The following PRKCB variants were observed in gnomAD, a reference collection of about 807,000 sequenced individuals.
The protein encoded by PRKCB is protein kinase C beta.
Under a neutral mutation model 81.5 loss-of-function variants are expected in PRKCB, and 13 were observed. The ratio of observed to expected loss-of-function variants is 0.16; its 90% CI spans 0.10 to 0.25. PRKCB has a LOEUF of 0.25. Among genes scored for constraint, PRKCB ranks in the 10% least tolerant of loss-of-function variants. PRKCB has a pLI of 1.00. For synonymous variants in PRKCB, 335 were observed against 321.4 expected (o/e 1.04, Z -0.45); for missense variants, 509 against 875.7 (o/e 0.58, Z 5.29).
chr16:24,136,097 T>A (rs380932), intron 9 of PRKCB, among the ~76,000 whole-genome samples: 1 of 136,778 alleles, frequency 7.3e-6, no homozygotes. Context: ...TTGCAGCGTG[T>A]TTTTTTTTTT....
chr16:24,153,521 C>A (rs1260630723), intron 9 of PRKCB, among the ~76,000 whole-genome samples: 1 of 152,186 alleles, frequency 6.6e-6, no homozygotes, highest in African/African-American at 2.4e-5. Flanking sequence ...AGTCCCCAAA[C>A]CAGGTTAGGA....
chr16:24,039,231 T>C lies in PRKCB; in HGVS notation c.529+3684T>C, dbSNP rs866082568. 3.9e-5 allele frequency among the ~76,000 whole-genome samples: 6 copies of C among 152,120 alleles called. No homozygotes were observed. In the South Asian group the frequency reaches 8.3e-4, roughly 21 times the overall value. On this transcript the variant is annotated intron_variant, in intron 5 of 16. Coordinates refer to ENST00000643927, the MANE Select transcript of PRKCB (RefSeq NM_002738.7). ...AAATAAATGTCTTTTTTTCTTTTTT[T>C]CTTTTTATTTTGTTTTAGATGGAGT...
chr16:23,921,139 C>T (rs1372540573), intron 2 of PRKCB, among the ~76,000 whole-genome samples: 3 of 152,164 alleles, frequency 2.0e-5, no homozygotes, highest in Non-Finnish European at 2.9e-5. Context: ...CCTTGACATG[C>T]AGGGATTATT....
In PRKCB at chr16:24,217,431, A is replaced by G. The variant is rs903588470; in HGVS notation, c.*2615A>G. 1.2e-5 allele frequency: 12 copies of G among 985,326 alleles called. No homozygotes were observed. The African/African-American group carries it at 2.1e-4, about 17-fold the overall frequency. The allele number at this position is 985,326 out of a possible 1,614,324, so 61.0% of individuals were successfully genotyped here. ...AGGACCTTCTTGGGGGATTAATGGG[A>G]GGTCAGTAGAATTAATAACCCTCCT... On this transcript the variant is annotated 3_prime_UTR_variant, in exon 17 of 17. Coordinates refer to ENST00000643927, the MANE Select transcript of PRKCB (RefSeq NM_002738.7).
At chr16:23,934,012 T>A (rs1964021799) in intron 2 of PRKCB, among the ~76,000 whole-genome samples, 1 of 95,524 alleles carries the variant, frequency 1.0e-5, no homozygotes, top group Admixed American at 1.2e-4. Context: ...TTGTTGATTT[T>A]CTACCCACTC....
intron 2 of PRKCB, among the ~76,000 whole-genome samples, chr16:23,911,126 TGC>T: frequency 7.9e-6 from 1 of 126,396 alleles, no homozygotes; most frequent in Non-Finnish European, 1.6e-5. Context: ...AACGTATATA[TGC>T]TTTTTTTTTT....
intron 2 of PRKCB, among the ~76,000 whole-genome samples, chr16:23,884,355 A>G (rs1250419885): frequency 6.6e-6 from 1 of 152,214 alleles, no homozygotes; most frequent in Non-Finnish European, 1.5e-5. Flanking sequence ...AACATTTGTC[A>G]TATATTTATA....
intron 2 of PRKCB, among the ~76,000 whole-genome samples, chr16:23,844,096 T>C (rs748796123): frequency 2.0e-5 from 3 of 152,276 alleles, no homozygotes; most frequent in Non-Finnish European, 4.4e-5. Context: ...AAATATATGG[T>C]CTGGCCTTTT....
At chr16:23,854,369 C>T (rs944039967) in intron 2 of PRKCB, among the ~76,000 whole-genome samples, 2 of 152,142 alleles carry the variant, frequency 1.3e-5, no homozygotes, top group African/African-American at 4.8e-5. Context: ...CTTAAAGTAG[C>T]CACTGTTTTA....
At chr16:24,182,202 A>G (rs1257480935) in intron 13 of PRKCB, among the ~76,000 whole-genome samples, 1 of 152,050 alleles carries the variant, frequency 6.6e-6, no homozygotes, top group Non-Finnish European at 1.5e-5. Flanking sequence ...ACTGCAGTTT[A>G]GAGTCGTGAG....
chr16:24,141,993 G>A (rs887575091), intron 9 of PRKCB, among the ~76,000 whole-genome samples: 3 of 152,048 alleles, frequency 2.0e-5, no homozygotes, highest in African/African-American at 7.3e-5. Context: ...CTCCATAATC[G>A]TGCCTTCAAA....
chr16:23,854,523 T>A (rs1962530121), intron 2 of PRKCB, among the ~76,000 whole-genome samples: 1 of 152,152 alleles, frequency 6.6e-6, no homozygotes. Flanking sequence ...AACTGGGGCC[T>A]CTCTTCAGGT....
chr16:23,922,489 C>CT (rs1963839992), intron 2 of PRKCB, among the ~76,000 whole-genome samples: 2 of 152,234 alleles, frequency 1.3e-5, no homozygotes, highest in Admixed American at 6.5e-5. Context: ...CATCTATACT[C>CT]TATTTGCATT....
chr16:24,016,005 T>C (rs1367330452), intron 3 of PRKCB, among the ~76,000 whole-genome samples: 3 of 152,182 alleles, frequency 2.0e-5, no homozygotes, highest in Admixed American at 2.0e-4. Flanking sequence ...CTTGTACTTA[T>C]TGAGTGCCTG....
chr16:23,879,277 G>A (rs1963066720), intron 2 of PRKCB, among the ~76,000 whole-genome samples: 1 of 152,096 alleles, frequency 6.6e-6, no homozygotes, highest in Admixed American at 6.5e-5. Context: ...AGAATGCTGA[G>A]AGCTGGGCAC....
chr16:23,986,586 G>A (rs889817906), intron 2 of PRKCB, among the ~76,000 whole-genome samples: 3 of 152,012 alleles, frequency 2.0e-5, no homozygotes, highest in African/African-American at 4.8e-5. Flanking sequence ...TTGTTAACAC[G>A]TATATTTAAA....
At chr16:23,978,398 G>A (rs560911577) in intron 2 of PRKCB, among the ~76,000 whole-genome samples, 1 of 152,316 alleles carries the variant, frequency 6.6e-6, no homozygotes, top group East Asian at 1.9e-4. Flanking sequence ...TAGGATGAGT[G>A]AACTGTCGTC....
In PRKCB at chr16:24,056,492, C is replaced by T. The variant is rs1384454817; in HGVS notation, c.529+20945C>T. Among the ~76,000 whole-genome samples, 4 of 152,196 alleles carry T rather than the reference C, an allele frequency of 2.6e-5. No individual in the cohort carries two copies. The East Asian group carries it at 7.7e-4, about 29-fold the overall frequency. On this transcript the variant is annotated intron_variant, in intron 5 of 16. Coordinates refer to ENST00000643927, the MANE Select transcript of PRKCB (RefSeq NM_002738.7). Reference sequence around the variant, plus strand: ...CTGTGATACAGTGTGGATGTTTTATCCCCACCAAGTCTCATGTTGAAATGT... The same window carrying T: ...CTGTGATACAGTGTGGATGTTTTATTCCCACCAAGTCTCATGTTGAAATGT...
At chr16:23,936,792 T>C (rs912579976) in intron 2 of PRKCB, among the ~76,000 whole-genome samples, 2 of 151,996 alleles carry the variant, frequency 1.3e-5, no homozygotes, top group African/African-American at 4.8e-5. Flanking sequence ...GGGATGGACT[T>C]TAGGTGATTT....
Sources: allele counts gnomAD v4.1 joint callset (sites outside exome capture counted in the v4.1 genomes callset), GRCh38; gene constraint gnomAD v4.1.1; transcripts MANE v1.5; gene names NCBI Gene and HGNC (gene_info 2026-07-23, HGNC 2026-07-21).